SLC24A2: variants seen among roughly 807,000 people sequenced by gnomAD.
SLC24A2 encodes the protein sodium/potassium/calcium exchanger 2.
SLC24A2 carries 36 observed loss-of-function variants against 62.0 expected under a neutral mutation model. That is an observed-to-expected ratio of 0.58 (90% CI 0.44 to 0.77). The LOEUF (loss-of-function observed/expected upper bound fraction) is 0.77, where lower values mean the gene tolerates loss of function less well. Ranked by LOEUF, SLC24A2 falls within the 30% of genes least tolerant of loss-of-function variation. SLC24A2 has a pLI of 0.00. For missense variants in SLC24A2, 846 were observed against 817.9 expected (o/e 1.03, Z -0.42); for synonymous variants, 358 against 294.0 (o/e 1.22, Z -2.23).
At chr9:20,246,396 C>G in the SLC24A2 span, among the ~76,000 whole-genome samples, 12 of 152,222 alleles carry the variant, frequency 7.9e-5, no homozygotes, top group Admixed American at 7.9e-4. Flanking sequence ...CCTTAAGCAC[C>G]TGTTTTTGCA....
chr9:20,148,088 G>A, the SLC24A2 span, among the ~76,000 whole-genome samples: 2 of 151,894 alleles, frequency 1.3e-5, no homozygotes, highest in Non-Finnish European at 2.9e-5. Context: ...AGCTTTTCCT[G>A]GGTGACCTGG....
At chr9:19,611,653 T>C (rs550832054) in intron 4 of SLC24A2, among the ~76,000 whole-genome samples, 3 of 152,048 alleles carry the variant, frequency 2.0e-5, no homozygotes, top group African/African-American at 7.2e-5. Context: ...ATGCCTTTTC[T>C]GGGGAAAGAT....
chr9:19,923,067 C>T, the SLC24A2 span, among the ~76,000 whole-genome samples: 7 of 151,166 alleles, frequency 4.6e-5, no homozygotes, highest in Admixed American at 3.3e-4. Context: ...GAAATAAAGA[C>T]ATTTAGACAT....
chr9:19,880,642 A>G, the SLC24A2 span, among the ~76,000 whole-genome samples: 1 of 152,192 alleles, frequency 6.6e-6, no homozygotes, highest in African/African-American at 2.4e-5. Context: ...AAGCCAAGCT[A>G]ACATTATTTG....
At chr9:20,247,466 C>A in the SLC24A2 span, among the ~76,000 whole-genome samples, 4 of 152,060 alleles carry the variant, frequency 2.6e-5, no homozygotes, top group Non-Finnish European at 4.4e-5. Context: ...GAGGGTGAAG[C>A]CCCCATGGAT....
the SLC24A2 span, among the ~76,000 whole-genome samples, chr9:20,029,737 T>C: frequency 6.6e-6 from 1 of 152,240 alleles, no homozygotes; most frequent in Non-Finnish European, 1.5e-5. Flanking sequence ...GGATTCCATG[T>C]TAGAAGCAGC....
chr9:20,253,270 G>A, the SLC24A2 span, among the ~76,000 whole-genome samples: 1 of 152,148 alleles, frequency 6.6e-6, no homozygotes, highest in African/African-American at 2.4e-5. Context: ...TACAAAATAT[G>A]AATATTAGCT....
At chr9:19,831,015 C>T in the SLC24A2 span, among the ~76,000 whole-genome samples, 3 of 152,084 alleles carry the variant, frequency 2.0e-5, no homozygotes, top group Non-Finnish European at 4.4e-5. Context: ...AGCACTGTGT[C>T]CTCACTTGGT....
chr9:20,168,850 G>A, the SLC24A2 span, among the ~76,000 whole-genome samples: 1 of 151,964 alleles, frequency 6.6e-6, no homozygotes, highest in East Asian at 1.9e-4. Flanking sequence ...TCACTCTCAG[G>A]TGTGTATCCC....
the SLC24A2 span, among the ~76,000 whole-genome samples, chr9:20,090,460 G>A: frequency 4.6e-5 from 7 of 152,128 alleles, no homozygotes; most frequent in Admixed American, 2.6e-4. Flanking sequence ...GAGGGAGCAC[G>A]ATTGCAATTG....
Position 19,521,012 on chromosome 9 carries a change from A to T in SLC24A2, c.1618T>A (p.Leu540Met). ...ISEEIMGLTILAAGTSIPDLI... is the reference protein window; with the variant it reads ...ISEEIMGLTIMAAGTSIPDLI... ...TCAGGGATGGAGGTCCCAGCAGCCA[A>T]GATGGTCAGGCCCATAATCTCTTCA... Residue 540 changes from leucine to methionine, a missense_variant, in exon 10 of 11, where the codon TTG (leucine) becomes ATG (methionine). Transcript: ENST00000341998. 3 of 1,614,170 alleles carry T rather than the reference A, an allele frequency of 1.9e-6. No homozygotes were observed. The highest frequency in any genetic ancestry group is 1.7e-6 in the Non-Finnish European group (2 of 1,179,998).
chr9:20,125,244 C>T, the SLC24A2 span, among the ~76,000 whole-genome samples: 1 of 151,988 alleles, frequency 6.6e-6, no homozygotes, highest in Admixed American at 6.6e-5. Flanking sequence ...AATCATAATA[C>T]TCAATTTTTA....
the SLC24A2 span, among the ~76,000 whole-genome samples, chr9:19,934,426 C>G: frequency 6.6e-6 from 1 of 152,082 alleles, no homozygotes; most frequent in South Asian, 2.1e-4. The surrounding 1 kb of genome is among the most constrained non-coding windows in gnomAD (Gnocchi z 4.1). Context: ...TATCCCGGAC[C>G]CCCGCGCACC....
At chr9:19,987,565 G>C in the SLC24A2 span, among the ~76,000 whole-genome samples, 2 of 152,066 alleles carry the variant, frequency 1.3e-5, no homozygotes. Flanking sequence ...CACTTACCAG[G>C]TTCCACTTCA....
the SLC24A2 span, among the ~76,000 whole-genome samples, chr9:19,891,655 A>C: frequency 0.31 from 46,421 of 152,102 alleles, 8,027 homozygotes; most frequent in Non-Finnish European, 0.39. Context: ...CTGAGGTGGG[A>C]AGATCGCTTG....
chr9:19,780,761 T>C (rs1378198614), intron 2 of SLC24A2, among the ~76,000 whole-genome samples: 1 of 150,220 alleles, frequency 6.7e-6, no homozygotes, highest in Non-Finnish European at 1.5e-5. Context: ...TAGTCTCAGC[T>C]ACTCAGGAGG....
At chr9:19,589,077 CT>C (rs1425881508) in intron 5 of SLC24A2, among the ~76,000 whole-genome samples, 25 of 152,206 alleles carry the variant, frequency 1.6e-4, no homozygotes, top group African/African-American at 5.3e-4. Flanking sequence ...AATGTGTATA[CT>C]CTTTGATCTG....
At chr9:19,693,099 T>G (rs1468538363) in intron 2 of SLC24A2, among the ~76,000 whole-genome samples, 2 of 152,136 alleles carry the variant, frequency 1.3e-5, no homozygotes, top group African/African-American at 4.8e-5. Context: ...TTTACTTATT[T>G]ATTTTTATTA....
At chr9:20,120,003 G>A in the SLC24A2 span, among the ~76,000 whole-genome samples, 1 of 152,064 alleles carries the variant, frequency 6.6e-6, no homozygotes. Flanking sequence ...GCATCGGCAG[G>A]GCTGTGTTTC....
Sources: gnomAD v4.1 joint callset for allele counts (sites outside exome capture counted in the v4.1 genomes callset) on GRCh38, gnomAD v4.1.1 for gene constraint, Gnocchi (gnomAD v3.1) non-coding constraint, MANE v1.5 for transcripts, NCBI Gene and HGNC (gene_info 2026-07-23, HGNC 2026-07-21) for gene names.